The following ST6GALNAC3 variants were observed in gnomAD, a reference collection of about 807,000 sequenced individuals.
The protein encoded by ST6GALNAC3 is alpha-N-acetylgalactosaminide alpha-2,6-sialyltransferase 3.
In ST6GALNAC3, 25 loss-of-function variants were observed where a neutral mutation model predicts 32.7. That is an observed-to-expected ratio of 0.76 (90% CI 0.56 to 1.07). The LOEUF (loss-of-function observed/expected upper bound fraction) is 1.07. ST6GALNAC3 is among the 50% of genes least tolerant of loss of function. The pLI is 0.00. For synonymous variants in ST6GALNAC3, 129 were observed against 133.1 expected, an observed-to-expected ratio of 0.97 and a Z score of 0.21; for missense variants, 355 against 382.4, an observed-to-expected ratio of 0.93 and a Z score of 0.60.
intron 2 of ST6GALNAC3, among the ~76,000 whole-genome samples, chr1:76,351,973 T>A (rs1649012590): frequency 6.6e-6 from 1 of 152,114 alleles, no homozygotes; most frequent in Non-Finnish European, 1.5e-5. Context: ...ATTATAAATG[T>A]TTGTGGCCAT....
chr1:76,511,311 C>G (rs1226770729), intron 3 of ST6GALNAC3, among the ~76,000 whole-genome samples: 1 of 152,186 alleles, frequency 6.6e-6, no homozygotes, highest in Non-Finnish European at 1.5e-5. Context: ...ACCTCACCTC[C>G]ACCTTCTCTT....
At chr1:76,613,814 A>G (rs1331200981) in intron 3 of ST6GALNAC3, among the ~76,000 whole-genome samples, 2 of 152,216 alleles carry the variant, frequency 1.3e-5, no homozygotes, top group African/African-American at 4.8e-5. Context: ...TGGGTAGCCC[A>G]TGGAACCATG....
chr1:76,416,211 T>C (rs1654615198), intron 3 of ST6GALNAC3, among the ~76,000 whole-genome samples: 1 of 152,132 alleles, frequency 6.6e-6, no homozygotes, highest in Non-Finnish European at 1.5e-5. Context: ...ATGTTGGTAA[T>C]AGTCTCCAAA....
intron 2 of ST6GALNAC3, among the ~76,000 whole-genome samples, chr1:76,381,892 C>A (rs1651738876): frequency 1.3e-5 from 2 of 152,102 alleles, no homozygotes; most frequent in South Asian, 4.2e-4. Flanking sequence ...TTCTACACCA[C>A]ACTAGCAGTG....
rs1651952354 is a variant in ST6GALNAC3 at position 76,163,782 on chromosome 1, C to T, written c.18+88898C>T. Among the ~76,000 whole-genome samples, 3 of 152,060 alleles carry T rather than the reference C, an allele frequency of 2.0e-5. No individual in the cohort carries two copies. In the South Asian group the frequency reaches 6.2e-4, roughly 32 times the overall value. On this transcript the variant is annotated intron_variant, in intron 1 of 4. Coordinates refer to ENST00000328299, the MANE Select transcript of ST6GALNAC3 (RefSeq NM_152996.4). ...AGCTAATTTACACAATTCATTTGTC[C>T]ACAATTCATTTACCTGATGTTGGCA...
intron 3 of ST6GALNAC3, among the ~76,000 whole-genome samples, chr1:76,575,999 G>A (rs528380610): frequency 6.6e-6 from 1 of 152,036 alleles, no homozygotes; most frequent in Admixed American, 6.6e-5. Flanking sequence ...TTCATAATTA[G>A]GAGGAACACG....
chr1:76,185,786 G>A (rs189730916), intron 1 of ST6GALNAC3, among the ~76,000 whole-genome samples: 27 of 152,196 alleles, frequency 1.8e-4, no homozygotes, highest in Admixed American at 3.3e-4. Flanking sequence ...TGCATCCATG[G>A]ATTCAACTAA....
At chr1:76,554,107 C>T (rs1022563638) in intron 3 of ST6GALNAC3, among the ~76,000 whole-genome samples, 1 of 152,304 alleles carries the variant, frequency 6.6e-6, no homozygotes, top group Admixed American at 6.5e-5. Context: ...ATTTCTCCTT[C>T]CCCCTTCATC....
chr1:76,520,808 G>C (rs972108160), intron 3 of ST6GALNAC3, among the ~76,000 whole-genome samples: 14 of 151,870 alleles, frequency 9.2e-5, no homozygotes, highest in African/African-American at 3.4e-4. Flanking sequence ...GTTTTATTTG[G>C]TTTGTAACTA....
chr1:76,499,907 A>G (rs917000457), intron 3 of ST6GALNAC3, among the ~76,000 whole-genome samples: 5 of 152,152 alleles, frequency 3.3e-5, no homozygotes, highest in Admixed American at 2.0e-4. Context: ...GACAACCGAC[A>G]AAATAAAGCA....
At chr1:76,472,707 G>A (rs558350383) in intron 3 of ST6GALNAC3, among the ~76,000 whole-genome samples, 1 of 152,220 alleles carries the variant, frequency 6.6e-6, no homozygotes, top group South Asian at 2.1e-4. Flanking sequence ...AAGATGCTTA[G>A]AACAATGCCA....
intron 3 of ST6GALNAC3, among the ~76,000 whole-genome samples, chr1:76,598,980 T>C (rs1315260711): frequency 1.3e-5 from 2 of 152,210 alleles, no homozygotes; most frequent in African/African-American, 2.4e-5. Context: ...CTTAAGAGTA[T>C]TGAAATATTT....
At chr1:76,533,777 A>T (rs189943793) in intron 3 of ST6GALNAC3, among the ~76,000 whole-genome samples, 1 of 152,310 alleles carries the variant, frequency 6.6e-6, no homozygotes, top group Non-Finnish European at 1.5e-5. Context: ...GATGGTTGAC[A>T]TAATCAAATC....
chr1:76,130,531 T>C (rs1377843733), intron 1 of ST6GALNAC3, among the ~76,000 whole-genome samples: 2 of 152,240 alleles, frequency 1.3e-5, no homozygotes, highest in Non-Finnish European at 2.9e-5. Flanking sequence ...GTGCTCCCTC[T>C]GGCAGGGTGG....
intron 1 of ST6GALNAC3, among the ~76,000 whole-genome samples, chr1:76,154,918 G>C (rs546510993): frequency 6.6e-6 from 1 of 152,132 alleles, no homozygotes; most frequent in Non-Finnish European, 1.5e-5. Flanking sequence ...CCACTGGGTG[G>C]GGTCAGTTTC....
Position 76,533,665 on chromosome 1 carries a change from A to C in ST6GALNAC3, c.624-93787A>C, listed in dbSNP as rs546042658. Among the ~76,000 whole-genome samples the C allele has an allele frequency of 4.3e-4, 65 of 152,144 alleles. 2 individuals carry two copies. The South Asian group carries it at 0.013, about 30-fold the overall frequency. Reference sequence around the variant, plus strand: ...GCCCTCTCATCCTGTCCCCTTACCCAGACCACCTTTCCCATTCCTCTCTCA... The same window carrying C: ...GCCCTCTCATCCTGTCCCCTTACCCCGACCACCTTTCCCATTCCTCTCTCA... On this transcript the variant is annotated intron_variant, in intron 3 of 4. Transcript: ENST00000328299.
intron 1 of ST6GALNAC3, among the ~76,000 whole-genome samples, chr1:76,249,023 T>C (rs1045091566): frequency 6.6e-6 from 1 of 152,236 alleles, no homozygotes; most frequent in African/African-American, 2.4e-5. Context: ...AGACTATTTA[T>C]GTTTTCACTT....
At chr1:76,478,716 A>G (rs1355962131) in intron 3 of ST6GALNAC3, among the ~76,000 whole-genome samples, 3 of 144,106 alleles carry the variant, frequency 2.1e-5, no homozygotes, top group Admixed American at 1.4e-4. Flanking sequence ...GACCTTCTCT[A>G]TGGTCAGATT....
intron 1 of ST6GALNAC3, among the ~76,000 whole-genome samples, chr1:76,211,792 G>T (rs1183416972): frequency 6.6e-6 from 1 of 151,678 alleles, no homozygotes; most frequent in African/African-American, 2.4e-5. Flanking sequence ...TTGTGGGGTG[G>T]GGGGAGCGGG....
Sources: gnomAD v4.1 joint callset for allele counts (sites outside exome capture counted in the v4.1 genomes callset) on GRCh38, gnomAD v4.1.1 for gene constraint, MANE v1.5 for transcripts, NCBI Gene and HGNC (gene_info 2026-07-23, HGNC 2026-07-21) for gene names.